The following ZNF483 variants were observed in gnomAD, a reference collection of about 807,000 sequenced individuals.
ZNF483 encodes zinc finger protein 483, also known as zinc finger protein HIT-10.
In ZNF483, 9 loss-of-function variants were observed where a neutral mutation model predicts 28.6. That is an observed-to-expected ratio of 0.32 (90% confidence interval 0.19 to 0.55). ZNF483 has a LOEUF of 0.55. Among genes scored for constraint, ZNF483 ranks in the 20% least tolerant of loss-of-function variants. The pLI, the probability that ZNF483 is intolerant of heterozygous loss-of-function variation, is 0.93. For missense variants in ZNF483, 675 were observed against 871.7 expected, an observed-to-expected ratio of 0.77 and a Z score of 2.84; for synonymous variants, 322 against 306.2, an observed-to-expected ratio of 1.05 and a Z score of -0.54.
At chr9:111,577,445 C>A (rs757506045) in exon 6 of ZNF483, 2 of 152,152 alleles carry the variant, frequency 1.3e-5, no homozygotes, top group Non-Finnish European at 2.9e-5. Context: ...TATGACCCAG[C>A]AATTCTACTC....
chr9:111,550,012 A>G lies in ZNF483; in HGVS notation c.*6842A>G, dbSNP rs1228547783. On this transcript the variant is annotated 3_prime_UTR_variant, in exon 6 of 6. Coordinates refer to ENST00000309235, the MANE Select transcript of ZNF483 (RefSeq NM_133464.5). ...GAATTTTATAATGTGGCAACTCTGGAAATAAGATTATTCCTTTTTCCCCAG... is the reference window on the plus strand; with the variant it reads ...GAATTTTATAATGTGGCAACTCTGGGAATAAGATTATTCCTTTTTCCCCAG... Among the ~76,000 whole-genome samples, 1 of 152,142 alleles carries G rather than the reference A, an allele frequency of 6.6e-6. No homozygotes were observed. The highest frequency in any genetic ancestry group is 1.5e-5 in the Non-Finnish European group (1 of 68,008).
chr9:111,549,771 C>T lies in ZNF483; in HGVS notation c.*6601C>T, dbSNP rs1454154895. The stretch of plus-strand genomic sequence containing the variant: ...TTCCCTTCATTTTTCTGCTTTGAAG[C>T]TTCAATCTTCTTCATTTTCTCTTTT... On this transcript the variant is annotated 3_prime_UTR_variant, in exon 6 of 6. Coordinates refer to ENST00000309235, the MANE Select transcript of ZNF483 (RefSeq NM_133464.5). 1 of 1,548,038 alleles carries T rather than the reference C, an allele frequency of 6.5e-7. No homozygotes were observed. Among genetic ancestry groups the T allele is most frequent in the East Asian group, 2.4e-5 (1 of 40,838 alleles).
Position 111,543,958 on chromosome 9 carries a change from A to G in ZNF483, c.*788A>G, listed in dbSNP as rs776415819. 15 of 985,210 alleles carry G rather than the reference A, an allele frequency of 1.5e-5. No homozygotes were observed. The highest frequency in any genetic ancestry group is 1.8e-5 in the Non-Finnish European group (15 of 829,932). 61.0% of individuals were successfully genotyped at this position (985,210 alleles called of 1,614,324 possible). ...ACTTCTAGCTTAGTGAGAATGCAGT[A>G]TACTTTTTGAAAACTTCGTGCAGGA... On this transcript the variant is annotated 3_prime_UTR_variant, in exon 6 of 6. Transcript: ENST00000309235.
At chr9:111,531,806 T>C (rs539522198) in intron 3 of ZNF483, among the ~76,000 whole-genome samples, 1 of 152,330 alleles carries the variant, frequency 6.6e-6, no homozygotes, top group South Asian at 2.1e-4. Flanking sequence ...CTCAGCCTCA[T>C]GAGTAGCTGG....
At chr9:111,537,409 A>G (rs576920014) in intron 5 of ZNF483, among the ~76,000 whole-genome samples, 3 of 152,090 alleles carry the variant, frequency 2.0e-5, no homozygotes, top group Admixed American at 1.3e-4. Flanking sequence ...TTCAGTAGAG[A>G]CGGGGTTTAA....
exon 6 of ZNF483, chr9:111,576,677 C>T (rs1006301266): frequency 2.7e-5 from 10 of 371,586 alleles, no homozygotes; most frequent in African/African-American, 2.1e-4. Context: ...TATGTGCAAA[C>T]ATGTACATAT....
At chr9:111,538,840 G>A (rs1160317370) in intron 5 of ZNF483, among the ~76,000 whole-genome samples, 1 of 152,104 alleles carries the variant, frequency 6.6e-6, no homozygotes, top group African/African-American at 2.4e-5. Flanking sequence ...TCAGCCAGGT[G>A]TGGTGGCTCA....
chr9:111,546,631 T>C lies in ZNF483; in HGVS notation c.*3461T>C, dbSNP rs1266899690. On this transcript the variant is annotated 3_prime_UTR_variant, in exon 6 of 6. Coordinates refer to ENST00000309235, the MANE Select transcript of ZNF483 (RefSeq NM_133464.5). ...GTCACAGGACAAGGCAAGGTTTTGG[T>C]CAATAAAGTCATTTTATTTATTTTA... is the stretch of plus-strand genomic sequence containing the variant. 6.6e-6 allele frequency among the ~76,000 whole-genome samples: 1 copy of C among 152,200 alleles called. No homozygotes were observed.
intron 5 of ZNF483, among the ~76,000 whole-genome samples, chr9:111,564,624 T>C (rs749938109): frequency 1.3e-5 from 2 of 151,896 alleles, no homozygotes; most frequent in Non-Finnish European, 2.9e-5. Flanking sequence ...AACTTTTGAC[T>C]TGAAAGCCCC....
downstream of ZNF483, among the ~76,000 whole-genome samples, chr9:111,556,365 A>G (rs1418371119): frequency 2.0e-5 from 3 of 152,206 alleles, no homozygotes; most frequent in African/African-American, 4.8e-5. Flanking sequence ...TGGTGGATCT[A>G]CCATTCTGGG....
intron 3 of ZNF483, 96 bp from the exon 4 acceptor site, chr9:111,533,643 C>T (rs1003200483): frequency 1.3e-5 from 17 of 1,286,186 alleles, no homozygotes; most frequent in East Asian, 5.6e-5. Flanking sequence ...CACTCTAACA[C>T]GGGCGACAGA....
rs751367922 is a variant in ZNF483, at chr9:111,550,893, C to T, written c.*7723C>T. Among the ~76,000 whole-genome samples the T allele has an allele frequency of 6.6e-6, 1 of 152,166 alleles. No homozygotes were observed. The highest frequency in any genetic ancestry group is 2.4e-5 in the African/African-American group (1 of 41,434). On this transcript the variant is annotated 3_prime_UTR_variant, in exon 6 of 6. Transcript: ENST00000309235. The stretch of plus-strand genomic sequence containing the variant: ...TGTGTTATTCTGCTCCCTGCATTAT[C>T]CCTGTTTCCTTTGAGTTGTTTTCAC...
At position 111,542,060 on chromosome 9, in the gene ZNF483, T is replaced by C; in HGVS notation, c.1125T>C (p.Thr375=). The stretch of plus-strand genomic sequence containing the variant: ...TCCTGAGTCACTCTTCAGCTCTTAC[T>C]GAACATCAGAAACGTCAGAAGATTC... ...GKVLSHSSAL[T]EHQKRQKIHL... is the part of the protein sequence containing the mutation. The change falls in exon 6 of 6, where the codon ACT becomes ACC. Residue 375 remains threonine (T), a synonymous_variant. Coordinates refer to ENST00000309235, the MANE Select transcript of ZNF483 (RefSeq NM_133464.5). The surrounding 1 kb of genome is among the most constrained non-coding windows in gnomAD (Gnocchi z 6.2). 1 of 1,614,144 alleles carries C rather than the reference T, an allele frequency of 6.2e-7. No homozygotes were observed. The highest frequency in any genetic ancestry group is 8.5e-7 in the Non-Finnish European group (1 of 1,180,004).
rs765205755 is a variant in ZNF483 at position 111,527,448 on chromosome 9, A to C, written c.53A>C (p.Gln18Pro). The C allele has an allele frequency of 7.4e-6, 12 of 1,614,138 alleles. No homozygotes were observed. The South Asian group carries it at 1.3e-4, about 18-fold the overall frequency. The change falls in exon 2 of 6, where the codon CAA becomes CCA. Residue 18 changes from glutamine (Q) to proline (P), a missense_variant. Physicochemically the swap from Gln to Pro is moderately conservative, Grantham distance 76. Coordinates refer to ENST00000309235, the MANE Select transcript of ZNF483 (RefSeq NM_133464.5). ...ATGACAGCCATCTCACCAGAACCTC[A>C]AACTCTGGCCTCGACTGAACAAAAT... is the stretch of plus-strand genomic sequence containing the variant. ...NKMTAISPEPQTLASTEQNEV... is the reference protein window; with the variant it reads ...NKMTAISPEPPTLASTEQNEV...
intron 5 of ZNF483, among the ~76,000 whole-genome samples, chr9:111,535,420 A>G (rs1219620918): frequency 6.6e-6 from 1 of 152,144 alleles, no homozygotes; most frequent in Non-Finnish European, 1.5e-5. Flanking sequence ...CAGCATGCAT[A>G]ATAATTCCAT....
chr9:111,543,458 T>C lies in ZNF483; in HGVS notation c.*288T>C, dbSNP rs1376698878. ...GGGATTTCTCTCTGATTTCTTCTAC[T>C]ACCATGTAGTGTGATGGAGAGAACT... On this transcript the variant is annotated 3_prime_UTR_variant, in exon 6 of 6. Coordinates refer to ENST00000309235, the MANE Select transcript of ZNF483 (RefSeq NM_133464.5). The C allele has an allele frequency of 8.8e-7, 1 of 1,140,208 alleles. No individual in the cohort carries two copies. Among genetic ancestry groups the C allele is most frequent in the East Asian group, 5.3e-5 (1 of 18,700 alleles). The allele number at this position is 1,140,208 out of a possible 1,614,324, so 70.6% of individuals were successfully genotyped here. A position where few individuals can be genotyped will look rare whatever the true frequency, so the allele number is the denominator to read the frequency against.
In ZNF483 at chr9:111,543,770, T is replaced by C. The variant is rs1827734057; in HGVS notation, c.*600T>C. ...CAGGATGCTGGACTTCTTTTCTTTTTTTTTTCTTTTTTTTTTTTCAATTTT... is the reference window on the plus strand; with the variant it reads ...CAGGATGCTGGACTTCTTTTCTTTTCTTTTTCTTTTTTTTTTTTCAATTTT... On this transcript the variant is annotated 3_prime_UTR_variant, in exon 6 of 6. Coordinates refer to ENST00000309235, the MANE Select transcript of ZNF483 (RefSeq NM_133464.5). The C allele has an allele frequency of 1.2e-6, 1 of 827,534 alleles. No homozygotes were observed. Among genetic ancestry groups the C allele is most frequent in the Non-Finnish European group, 1.4e-6 (1 of 696,690 alleles). 51.3% of individuals were successfully genotyped at this position (827,534 alleles called of 1,614,324 possible).
intron 3 of ZNF483, among the ~76,000 whole-genome samples, 185 bp downstream of exon 3, chr9:111,531,148 C>T (rs553610556): frequency 1.3e-5 from 2 of 152,058 alleles, no homozygotes; most frequent in South Asian, 2.1e-4. Flanking sequence ...GAGCTATGAT[C>T]ATGCCACTGC....
chr9:111,545,520 A>G lies in ZNF483; in HGVS notation c.*2350A>G, dbSNP rs796742951. Among the ~76,000 whole-genome samples the G allele has an allele frequency of 2.8e-4, 42 of 152,188 alleles. 2 individuals carry two copies. The highest frequency in any genetic ancestry group is 9.6e-4 in the African/African-American group (40 of 41,524). On this transcript the variant is annotated 3_prime_UTR_variant, in exon 6 of 6. Coordinates refer to ENST00000309235, the MANE Select transcript of ZNF483 (RefSeq NM_133464.5). ...AGTTGTGCAACCATTACCATAATCC[A>G]TTTTTTAGAACATCATCCCAGCAAG...
Sources: gnomAD v4.1 joint callset for allele counts (sites outside exome capture counted in the v4.1 genomes callset) on GRCh38, gnomAD v4.1.1 for gene constraint, Gnocchi (gnomAD v3.1) non-coding constraint, MANE v1.5 for transcripts, NCBI Gene and HGNC (gene_info 2026-07-23, HGNC 2026-07-21) for gene names.